Variants in SPIDR observed in about 807,000 individuals in gnomAD.
The protein encoded by SPIDR is DNA repair-scaffolding protein.
Under a neutral mutation model 104.6 loss-of-function variants are expected in SPIDR, and 93 were observed. The ratio of observed to expected loss-of-function variants is 0.89; its 90% CI spans 0.75 to 1.06. The LOEUF (loss-of-function observed/expected upper bound fraction) is 1.06. Among genes scored for constraint, SPIDR ranks in the 50% least tolerant of loss-of-function variants. SPIDR has a pLI of 0.00. For missense variants in SPIDR, 1,154 were observed against 1,111.2 expected (o/e 1.04, Z -0.55); for synonymous variants, 431 against 416.9 (o/e 1.03, Z -0.41).
At chr8:47,584,765 C>T (rs1019824633) in intron 8 of SPIDR, among the ~76,000 whole-genome samples, 7 of 152,188 alleles carry the variant, frequency 4.6e-5, no homozygotes, top group African/African-American at 1.7e-4. Context: ...TAACACCTTT[C>T]ATCCACCTGA....
At chr8:47,593,134 C>T (rs1167152844) in intron 8 of SPIDR, among the ~76,000 whole-genome samples, 4 of 152,174 alleles carry the variant, frequency 2.6e-5, no homozygotes, top group African/African-American at 4.8e-5. Context: ...TGATCGCCCG[C>T]CTCGGCCTCC....
intron 7 of SPIDR, among the ~76,000 whole-genome samples, chr8:47,412,247 G>A (rs1563896981): frequency 6.6e-6 from 1 of 152,182 alleles, no homozygotes; most frequent in Non-Finnish European, 1.5e-5. Context: ...ACCTTGGACA[G>A]TATGGCCATT....
chr8:47,722,177 A>G (rs1414840674), intron 16 of SPIDR, among the ~76,000 whole-genome samples: 4 of 152,168 alleles, frequency 2.6e-5, no homozygotes, highest in Non-Finnish European at 2.9e-5. Context: ...TCAAATTCCA[A>G]TCGTTCATTG....
chr8:47,638,173 T>C lies in SPIDR; in HGVS notation c.1545-35628T>C, dbSNP rs144216472. Among the ~76,000 whole-genome samples, 228 of 152,314 alleles carry C rather than the reference T, an allele frequency of 1.5e-3. 5 individuals are homozygous for C. The highest frequency in any genetic ancestry group is 3.4e-3 in the Middle Eastern group (1 of 294). On this transcript the variant is annotated intron_variant, in intron 10 of 19. Coordinates refer to ENST00000297423, the MANE Select transcript of SPIDR (RefSeq NM_001080394.4). The stretch of plus-strand genomic sequence containing the variant: ...TTCTTTACTCCCTGTCACTGTAAGA[T>C]GTGCTAGGCTTATCTTGTATATTTT...
chr8:47,511,811 T>G, intron 8 of SPIDR: 1 of 1,026,034 alleles, frequency 9.7e-7, no homozygotes, highest in Non-Finnish European at 1.6e-6. Flanking sequence ...GAACTTTTCT[T>G]TCTGGGAGGG....
intron 5 of SPIDR, among the ~76,000 whole-genome samples, chr8:47,362,924 A>AT (rs539148244): frequency 6.6e-6 from 1 of 152,324 alleles, no homozygotes; most frequent in South Asian, 2.1e-4. Context: ...AAGTGCTGGG[A>AT]TTACAGGCGT....
chr8:47,262,139 T>C (rs1355977050), intron 1 of SPIDR, among the ~76,000 whole-genome samples: 1 of 152,208 alleles, frequency 6.6e-6, no homozygotes, highest in African/African-American at 2.4e-5. Flanking sequence ...TGAAGTTAAC[T>C]ATATAGATGA....
At chr8:47,519,597 A>G (rs1418767922) in intron 8 of SPIDR, among the ~76,000 whole-genome samples, 2 of 152,186 alleles carry the variant, frequency 1.3e-5, no homozygotes, top group African/African-American at 4.8e-5. Flanking sequence ...AGTCTGGGCA[A>G]TATGGCGAGA....
chr8:47,571,049 C>T (rs1233651033), intron 8 of SPIDR, among the ~76,000 whole-genome samples: 1 of 151,976 alleles, frequency 6.6e-6, no homozygotes, highest in African/African-American at 2.4e-5. Context: ...CGAGATCGCA[C>T]CACGGCACTC....
At chr8:47,588,051 A>G (rs1233918633) in intron 8 of SPIDR, among the ~76,000 whole-genome samples, 2 of 69,634 alleles carry the variant, frequency 2.9e-5, no homozygotes, top group African/African-American at 1.6e-4. Context: ...ATATATATAT[A>G]TATATATATA....
rs536489205 is a variant in SPIDR at position 47,436,136 on chromosome 8, G to C, written c.878-4187G>C. On this transcript the variant is annotated intron_variant, in intron 7 of 19. Transcript: ENST00000297423. Reference sequence around the variant, plus strand: ...CCAGGCACTTCGTGGTACATTTGCTGTGTTTGCACCTGTGATTGTAGTGCT... The same window carrying C: ...CCAGGCACTTCGTGGTACATTTGCTCTGTTTGCACCTGTGATTGTAGTGCT... Among the ~76,000 whole-genome samples the C allele has an allele frequency of 2.0e-5, 3 of 152,332 alleles. 1 individual carries two copies. Among genetic ancestry groups the C allele is most frequent in the South Asian group, 4.1e-4 (2 of 4,824 alleles).
intron 8 of SPIDR, among the ~76,000 whole-genome samples, chr8:47,468,428 G>A (rs1478071497): frequency 6.6e-6 from 1 of 152,176 alleles, no homozygotes; most frequent in Non-Finnish European, 1.5e-5. Flanking sequence ...AAAGCTGGAG[G>A]TGTTATGCTA....
intron 8 of SPIDR, among the ~76,000 whole-genome samples, chr8:47,516,984 T>G (rs894725118): frequency 7.9e-5 from 12 of 152,268 alleles, no homozygotes; most frequent in South Asian, 6.2e-4. Context: ...GAAGTGGTAT[T>G]TAATTGTGGT....
intron 8 of SPIDR, among the ~76,000 whole-genome samples, chr8:47,529,256 A>G (rs2085522858): frequency 6.6e-6 from 1 of 151,986 alleles, no homozygotes; most frequent in Non-Finnish European, 1.5e-5. Context: ...ATCTCTACTA[A>G]AAATACAAAA....
rs1386821559 is a variant in SPIDR at position 47,592,644 on chromosome 8, TCCGGCTCCG to T, written c.1098-3165_1098-3157del. On this transcript the variant is annotated intron_variant, in intron 8 of 19. Coordinates refer to ENST00000297423, the MANE Select transcript of SPIDR (RefSeq NM_001080394.4). ...CCCGAGTTCGGCCTCTGGTCTAGTCTCCGGCTCCGCTTGCCTCACGCACGAGTAGAAGTC... is the reference window on the plus strand; with the variant it reads ...CCCGAGTTCGGCCTCTGGTCTAGTCTCTTGCCTCACGCACGAGTAGAAGTC... The T allele has an allele frequency of 5.9e-6, 6 of 1,024,670 alleles. No individual in the cohort carries two copies. The African/African-American group carries it at 9.6e-5, about 16-fold the overall frequency. The allele number at this position is 1,024,670 out of a possible 1,614,324, so 63.5% of individuals were successfully genotyped here.
At chr8:47,370,439 A>ATTTTT (rs34220804) in intron 5 of SPIDR, among the ~76,000 whole-genome samples, 30 of 99,076 alleles carry the variant, frequency 3.0e-4, no homozygotes, top group African/African-American at 4.8e-4. Context: ...AGAGGTCAAG[A>ATTTTT]TTTTTTTTTT....
intron 8 of SPIDR, among the ~76,000 whole-genome samples, chr8:47,452,929 T>C (rs1045375823): frequency 7.9e-5 from 12 of 152,136 alleles, no homozygotes; most frequent in African/African-American, 2.9e-4. Context: ...ATTGTCCCTG[T>C]TTGTAGATGA....
intron 11 of SPIDR, among the ~76,000 whole-genome samples, chr8:47,685,516 T>TTTTTTTTTTTTTTTTTTG: frequency 6.9e-6 from 1 of 144,230 alleles, no homozygotes; most frequent in Non-Finnish European, 1.6e-5. Context: ...TTTATTTATT[T>TTTTTTTTTTTTTTTTTTG]ATTTTTTTGA....
chr8:47,592,040 T>C, intron 8 of SPIDR: 2 of 882,958 alleles, frequency 2.3e-6, no homozygotes, highest in South Asian at 1.5e-5. Context: ...TCTGGGCTTT[T>C]TTATTCAGTA....
Sources: allele counts gnomAD v4.1 joint callset (sites outside exome capture counted in the v4.1 genomes callset), GRCh38; gene constraint gnomAD v4.1.1; transcripts MANE v1.5; gene names NCBI Gene and HGNC (gene_info 2026-07-23, HGNC 2026-07-21).